GRM7: variants seen among roughly 807,000 people sequenced by gnomAD.
The protein encoded by GRM7 is metabotropic glutamate receptor 7.
A neutral mutation model predicts 84.5 loss-of-function variants in GRM7; 35 were observed. The observed-to-expected ratio is 0.41, with a 90% CI of 0.32 to 0.55. GRM7 has a LOEUF of 0.55. GRM7 is among the 20% of genes least tolerant of loss of function. The pLI is 0.19. For missense variants in GRM7, 1,003 were observed against 1,194.6 expected, an observed-to-expected ratio of 0.84 and a Z score of 2.36; for synonymous variants, 487 against 455.1, an observed-to-expected ratio of 1.07 and a Z score of -0.89.
chr3:7,306,628 C>T lies in GRM7; in HGVS notation c.1009C>T (p.Gln337Ter), dbSNP rs1700203035. The change falls in exon 4 of 10, where the codon CAG becomes TAG. Residue 337 changes from glutamine (Q) to a stop codon, truncating the protein, a stop_gained. Coordinates refer to ENST00000357716, the MANE Select transcript of GRM7 (RefSeq NM_000844.4). LOFTEE classifies it high-confidence loss of function. ...EDIAEGAITI[Q>*]PKRATVEGFD... is the part of the protein sequence containing the mutation. Reference sequence around the variant, plus strand: ...TATCGCAGAAGGGGCCATCACCATTCAGCCCAAGCGAGCCACGGTGGAAGG... The same window carrying T: ...TATCGCAGAAGGGGCCATCACCATTTAGCCCAAGCGAGCCACGGTGGAAGG... The T allele has an allele frequency of 1.2e-6, 2 of 1,609,752 alleles. No homozygotes were observed. Among genetic ancestry groups the T allele is most frequent in the African/African-American group, 2.7e-5 (2 of 74,702 alleles).
rs142330979 is a variant in GRM7 at position 7,594,499 on chromosome 3, T to C, written c.2451+15142T>C. ...TAACCATGTGCCCAGGTTAGAGTGA[T>C]TGCCCTTTTACTTGGCATCCTAATG... On this transcript the variant is annotated intron_variant, in intron 8 of 9. Coordinates refer to ENST00000357716, the MANE Select transcript of GRM7 (RefSeq NM_000844.4). Among the ~76,000 whole-genome samples the C allele has an allele frequency of 4.4e-3, 674 of 152,264 alleles. 8 individuals are homozygous for C. Among genetic ancestry groups the C allele is most frequent in the African/African-American group, 0.015 (641 of 41,556 alleles).
intron 4 of GRM7, among the ~76,000 whole-genome samples, chr3:7,393,018 A>C (rs1326263429): frequency 6.6e-6 from 1 of 152,088 alleles, no homozygotes; most frequent in Non-Finnish European, 1.5e-5. Context: ...CTCAGTATGC[A>C]CCTTGGGCCG....
chr3:7,053,918 G>T (rs983598634), intron 1 of GRM7, among the ~76,000 whole-genome samples: 40 of 150,346 alleles, frequency 2.7e-4, no homozygotes, highest in Middle Eastern at 4.6e-3. Flanking sequence ...ATTTTGATTG[G>T]GATTATAATA....
intron 1 of GRM7, among the ~76,000 whole-genome samples, chr3:6,961,760 C>A (rs1229101542): frequency 6.6e-6 from 1 of 152,138 alleles, no homozygotes; most frequent in Non-Finnish European, 1.5e-5. Context: ...GCAAAACCAT[C>A]CACTCATGTC....
intron 1 of GRM7, among the ~76,000 whole-genome samples, chr3:6,894,359 A>G (rs1696089900): frequency 6.6e-6 from 1 of 152,158 alleles, no homozygotes; most frequent in Admixed American, 6.6e-5. Flanking sequence ...TATATTATCA[A>G]ATGTACTGCA....
At chr3:7,516,980 ACAGT>A (rs1265475422) in intron 7 of GRM7, among the ~76,000 whole-genome samples, 1 of 152,080 alleles carries the variant, frequency 6.6e-6, no homozygotes, top group Non-Finnish European at 1.5e-5. Flanking sequence ...TGCCCTCTGG[ACAGT>A]CAGTCTCTCT....
At position 6,862,048 on chromosome 3, in the gene GRM7, AC is replaced by A; in HGVS notation, c.519+145del. 1.5e-6 allele frequency: 1 copy of A among 668,066 alleles called. No individual in the cohort carries two copies. The highest frequency in any genetic ancestry group is 2.8e-5 in the East Asian group (1 of 36,224). 41.4% of individuals were successfully genotyped at this position (668,066 alleles called of 1,614,324 possible). On this transcript the variant is annotated intron_variant, in intron 1 of 9. Transcript: ENST00000357716. The surrounding 1 kb of genome is among the most constrained non-coding windows in gnomAD (Gnocchi z 5.2). ...CTGGAGATCCTGCCGAATCCCTCCC[AC>A]CCCGCTCGAGGAGATACCTTCCCTG... is the stretch of plus-strand genomic sequence containing the variant.
intron 4 of GRM7, among the ~76,000 whole-genome samples, chr3:7,333,808 A>T (rs1374701283): frequency 3.0e-4 from 46 of 152,078 alleles, no homozygotes; most frequent in Non-Finnish European, 1.5e-5. Context: ...CACTTAGAAA[A>T]ATGCAAAATA....
intron 9 of GRM7, among the ~76,000 whole-genome samples, chr3:7,694,724 A>G (rs1370285834): frequency 6.6e-6 from 1 of 152,196 alleles, no homozygotes; most frequent in Non-Finnish European, 1.5e-5. Flanking sequence ...TTTCACCATC[A>G]TGGTTTAAAA....
chr3:7,115,122 A>T (rs545658189), intron 1 of GRM7, among the ~76,000 whole-genome samples: 18 of 152,198 alleles, frequency 1.2e-4, no homozygotes, highest in African/African-American at 4.1e-4. Flanking sequence ...CAGAGAAACT[A>T]TGCCACTTAT....
At chr3:7,107,295 A>G (rs1181772757) in intron 1 of GRM7, among the ~76,000 whole-genome samples, 1 of 152,054 alleles carries the variant, frequency 6.6e-6, no homozygotes, top group African/African-American at 2.4e-5. Flanking sequence ...GATGCCTAGT[A>G]GGAGCCTAAT....
At chr3:7,468,846 C>T (rs1698572474) in intron 7 of GRM7, among the ~76,000 whole-genome samples, 1 of 152,184 alleles carries the variant, frequency 6.6e-6, no homozygotes, top group Admixed American at 6.5e-5. Context: ...CTTGCTACCC[C>T]TTCACGACTG....
intron 2 of GRM7, among the ~76,000 whole-genome samples, chr3:7,163,142 C>G (rs1038286648): frequency 6.6e-6 from 1 of 152,094 alleles, no homozygotes; most frequent in African/African-American, 2.4e-5. Flanking sequence ...TGGACTATAT[C>G]AGACTAAGAA....
chr3:7,445,597 A>C (rs1050521312), intron 5 of GRM7, among the ~76,000 whole-genome samples: 8 of 152,176 alleles, frequency 5.3e-5, no homozygotes, highest in African/African-American at 1.9e-4. Flanking sequence ...GCAATACTGC[A>C]GACATTTTGG....
chr3:7,220,058 C>T (rs1027009190), intron 2 of GRM7, among the ~76,000 whole-genome samples: 4 of 152,208 alleles, frequency 2.6e-5, no homozygotes, highest in South Asian at 4.1e-4. Flanking sequence ...AAGTCCCTGG[C>T]TGATATAAAT....
At chr3:7,535,396 A>G (rs1371359671) in intron 7 of GRM7, 2 of 152,224 alleles carry the variant, frequency 1.3e-5, no homozygotes, top group Non-Finnish European at 2.9e-5. Context: ...GCTTTAATAA[A>G]CAAATGTAAT....
chr3:7,700,016 A>G (rs1418976992), intron 9 of GRM7, among the ~76,000 whole-genome samples: 1 of 152,178 alleles, frequency 6.6e-6, no homozygotes, highest in Non-Finnish European at 1.5e-5. Flanking sequence ...GAGATGGCAC[A>G]AGCTAACGTC....
chr3:7,615,512 G>T (rs1697040107), intron 8 of GRM7, among the ~76,000 whole-genome samples: 1 of 152,038 alleles, frequency 6.6e-6, no homozygotes, highest in African/African-American at 2.4e-5. Context: ...TTATAAAATA[G>T]GTTATATGGA....
chr3:6,933,897 T>A (rs1234133575), intron 1 of GRM7, among the ~76,000 whole-genome samples: 1 of 152,146 alleles, frequency 6.6e-6, no homozygotes, highest in African/African-American at 2.4e-5. Flanking sequence ...TAGGAAATAT[T>A]GACTTATAAA....
Sources: gnomAD v4.1 joint callset for allele counts (sites outside exome capture counted in the v4.1 genomes callset) on GRCh38, gnomAD v4.1.1 for gene constraint, Gnocchi (gnomAD v3.1) non-coding constraint, MANE v1.5 for transcripts, NCBI Gene and HGNC (gene_info 2026-07-23, HGNC 2026-07-21) for gene names.